The following ANKFN1 variants were observed in gnomAD, a reference collection of about 807,000 sequenced individuals.
ANKFN1 encodes the protein ankyrin repeat and fibronectin type III domain containing 1.
ANKFN1 carries 74 observed loss-of-function variants against 108.7 expected under a neutral mutation model. That is an observed-to-expected ratio of 0.68 (90% CI 0.56 to 0.83). ANKFN1 has a LOEUF of 0.83. Ranked by LOEUF, ANKFN1 falls within the 40% of genes least tolerant of loss-of-function variation. The probability of loss-of-function intolerance (pLI) is 0.00; values close to 1 mark genes in which losing one functional copy is unlikely to be tolerated. For synonymous variants in ANKFN1, 547 were observed against 516.2 expected (o/e 1.06, Z -0.81); for missense variants, 1,505 against 1,382.3 (o/e 1.09, Z -1.41).
chr17:56,113,638 G>A (rs950713616), intron 4 of ANKFN1, among the ~76,000 whole-genome samples: 11 of 152,160 alleles, frequency 7.2e-5, no homozygotes, highest in African/African-American at 2.7e-4. Context: ...TAGGACTATT[G>A]TAATGAGGCA....
At chr17:56,494,793 C>G (rs1201300988) in intron 19 of ANKFN1, among the ~76,000 whole-genome samples, 1 of 152,062 alleles carries the variant, frequency 6.6e-6, no homozygotes, top group Admixed American at 6.6e-5. Context: ...CTACCCATGC[C>G]TTAGGTTCTG....
rs2050662846 is a variant in ANKFN1 at position 56,480,693 on chromosome 17, C to T, written c.1966C>T (p.Leu656Phe). 1.9e-6 allele frequency: 3 copies of T among 1,613,862 alleles called. No homozygotes were observed. Among genetic ancestry groups the T allele is most frequent in the Middle Eastern group, 1.7e-4 (1 of 6,056 alleles). The part of the protein sequence containing the change: ...SREEWEWIQK[L>F]SGSESMESVD... ...AGAGGAATGGGAATGGATCCAAAAG[C>T]TTTCTGGCTCTGAATCTATGGAAAG... The change falls in exon 17 of 21, where the codon CTT becomes TTT. Residue 656 changes from leucine (L) to phenylalanine (F), a missense_variant. Physicochemically the swap from Leu to Phe is conservative, Grantham distance 22 (BLOSUM62 0). Coordinates refer to ENST00000682825, the MANE Select transcript of ANKFN1 (RefSeq NM_001370326.1).
chr17:56,327,474 A>G (rs973674498), intron 4 of ANKFN1, among the ~76,000 whole-genome samples: 4 of 152,196 alleles, frequency 2.6e-5, no homozygotes, highest in Non-Finnish European at 4.4e-5. Flanking sequence ...AGTGAGCAGC[A>G]TGCTTCTCTA....
At chr17:56,217,076 T>C (rs944421327) in intron 2 of ANKFN1, among the ~76,000 whole-genome samples, 5 of 152,336 alleles carry the variant, frequency 3.3e-5, no homozygotes, top group Non-Finnish European at 5.9e-5. Context: ...ATCAGGACTT[T>C]AGGACAAGGG....
intron 4 of ANKFN1, among the ~76,000 whole-genome samples, chr17:56,060,489 G>C (rs1248560364): frequency 6.6e-6 from 1 of 152,122 alleles, no homozygotes; most frequent in Non-Finnish European, 1.5e-5. Context: ...TGGCGAGAGA[G>C]GGGATCCTTT....
intron 8 of ANKFN1, among the ~76,000 whole-genome samples, chr17:56,390,769 G>T (rs763456593): frequency 2.0e-5 from 3 of 152,008 alleles, no homozygotes; most frequent in Non-Finnish European, 2.9e-5. Flanking sequence ...TCTCATTGTG[G>T]TTTTGATTTG....
At position 56,515,470 on chromosome 17, in the gene ANKFN1, C is replaced by T. The variant is rs2051891954; in HGVS notation, c.*4201C>T. ...AGCTATTTGGAAAGCAATGGTATCT[C>T]TTCATAGGTAATAGGGTGAGCAAGG... On this transcript the variant is annotated 3_prime_UTR_variant, in exon 21 of 21. Transcript: ENST00000682825. Among the ~76,000 whole-genome samples the T allele has an allele frequency of 1.3e-5, 2 of 152,144 alleles. No individual in the cohort carries two copies. The highest frequency in any genetic ancestry group is 4.8e-5 in the African/African-American group (2 of 41,424).
At chr17:56,107,110 T>A (rs1449984332) in intron 4 of ANKFN1, among the ~76,000 whole-genome samples, 3 of 152,026 alleles carry the variant, frequency 2.0e-5, no homozygotes, top group African/African-American at 7.2e-5. Context: ...TGAACTTTGG[T>A]GGATGTTGGT....
At position 56,213,235 on chromosome 17, in the gene ANKFN1, G is replaced by A. The variant is rs142530945; in HGVS notation, c.12+556G>A. Among the ~76,000 whole-genome samples, 258 of 152,272 alleles carry A rather than the reference G, an allele frequency of 1.7e-3. 3 individuals carry two copies. The highest frequency in any genetic ancestry group is 6.0e-3 in the African/African-American group (248 of 41,536). On this transcript the variant is annotated intron_variant, in intron 2 of 20. Transcript: ENST00000682825. Reference sequence around the variant, plus strand: ...AGGCTGGAGCTGGCACCAGAGCAATGTGACTCAACCATCCCGTCACAGGCT... The same window carrying A: ...AGGCTGGAGCTGGCACCAGAGCAATATGACTCAACCATCCCGTCACAGGCT...
intron 6 of ANKFN1, among the ~76,000 whole-genome samples, chr17:56,362,918 T>A (rs1460588778): frequency 2.0e-5 from 3 of 152,036 alleles, no homozygotes; most frequent in Admixed American, 2.0e-4. Flanking sequence ...TAAATCAATT[T>A]AAAAATAGGT....
intron 4 of ANKFN1, among the ~76,000 whole-genome samples, chr17:56,333,370 G>T (rs1314976694): frequency 6.6e-6 from 1 of 152,054 alleles, no homozygotes; most frequent in Non-Finnish European, 1.5e-5. Context: ...ATGAATAAAT[G>T]TTGTATATTA....
intron 8 of ANKFN1, among the ~76,000 whole-genome samples, chr17:56,435,088 A>G (rs986543578): frequency 2.0e-5 from 3 of 152,138 alleles, no homozygotes; most frequent in Non-Finnish European, 4.4e-5. Flanking sequence ...TCTCCATTTC[A>G]ACCACTAACT....
intron 6 of ANKFN1, chr17:56,368,277 T>TTTTTTTTTTTTTA: frequency 3.6e-6 from 1 of 277,776 alleles, no homozygotes; most frequent in Non-Finnish European, 4.8e-6. Context: ...GAAAATGAAC[T>TTTTTTTTTTTTTA]TTTTTTTTTT....
rs1343853880 is a variant in ANKFN1 at position 56,440,349 on chromosome 17, CT to C, written c.937del (p.Ser313LeufsTer15). 2 of 1,612,240 alleles carry C rather than the reference CT, an allele frequency of 1.2e-6. No individual in the cohort carries two copies. Among genetic ancestry groups the C allele is most frequent in the African/African-American group, 1.3e-5 (1 of 74,828 alleles). ...YKVEWSMSEDFSPLAGEIIMD... is the reference protein window; with the variant it reads ...YKVEWSMSEDXSPLAGEIIMD... ...CAGTGGAATGGAGTATGTCCGAAGA[CT>C]TTTCTCCTTTGGCTGGAGAAATCAT... On this transcript the variant is annotated frameshift_variant, in exon 9 of 21. Transcript: ENST00000682825. LOFTEE classifies it high-confidence loss of function.
chr17:56,503,198 G>A (rs1371224500), intron 20 of ANKFN1, among the ~76,000 whole-genome samples: 9 of 151,970 alleles, frequency 5.9e-5, no homozygotes, highest in Admixed American at 5.9e-4. Flanking sequence ...ATAGAGGGGA[G>A]GGGGGTGTTG....
At chr17:56,050,147 G>A (rs1405507765) in intron 4 of ANKFN1, among the ~76,000 whole-genome samples, 1 of 151,570 alleles carries the variant, frequency 6.6e-6, no homozygotes, top group Non-Finnish European at 1.5e-5. Flanking sequence ...GGCCAGTGAT[G>A]ATGAGCATTT....
intron 3 of ANKFN1, among the ~76,000 whole-genome samples, chr17:56,246,736 T>A (rs925735722): frequency 6.7e-5 from 10 of 149,330 alleles, no homozygotes; most frequent in African/African-American, 1.2e-4. Context: ...CAATTAGATT[T>A]AAAAAAAAAA....
intron 18 of ANKFN1, among the ~76,000 whole-genome samples, chr17:56,488,363 A>G (rs2050922201): frequency 6.6e-6 from 1 of 152,206 alleles, no homozygotes; most frequent in South Asian, 2.1e-4. Context: ...GTTGAAGAGC[A>G]AGATGAAGGA....
intron 4 of ANKFN1, among the ~76,000 whole-genome samples, chr17:56,062,426 G>T (rs185545956): frequency 6.6e-6 from 1 of 152,138 alleles, no homozygotes. Context: ...TGTATTAGGT[G>T]CATATATATT....
Sources: gnomAD v4.1 joint callset for allele counts (sites outside exome capture counted in the v4.1 genomes callset) on GRCh38, gnomAD v4.1.1 for gene constraint, MANE v1.5 for transcripts, NCBI Gene and HGNC (gene_info 2026-07-23, HGNC 2026-07-21) for gene names.